The following HS6ST2 variants were observed in gnomAD, a reference collection of about 807,000 sequenced individuals.
The protein encoded by HS6ST2 is heparan sulfate 6-O-sulfotransferase 2.
A neutral mutation model predicts 33.0 loss-of-function variants in HS6ST2; 17 were observed. The observed-to-expected ratio is 0.52, with a 90% CI of 0.35 to 0.77. The LOEUF is 0.77. HS6ST2 is among the 30% of genes least tolerant of loss of function. The pLI is 0.01. For missense variants in HS6ST2, 519 were observed against 551.7 expected (o/e 0.94, Z 0.59); for synonymous variants, 248 against 237.1 (o/e 1.05, Z -0.42).
chrX:132,789,054 T>C (rs2065092690), intron 2 of HS6ST2, among the ~76,000 whole-genome samples: 1 of 112,649 alleles, frequency 8.9e-6, no homozygotes, highest in African/African-American at 3.2e-5. Context: ...GGTAAGATCA[T>C]TTATGAAGGT....
At chrX:132,930,823 C>G (rs2066761016) in intron 2 of HS6ST2, among the ~76,000 whole-genome samples, 1 of 111,679 alleles carries the variant, frequency 9.0e-6, no homozygotes, top group Non-Finnish European at 1.9e-5. Flanking sequence ...ATTAAACTCA[C>G]AGTGGAACCA....
At chrX:132,804,652 T>A (rs771213378) in intron 2 of HS6ST2, among the ~76,000 whole-genome samples, 22 of 111,166 alleles carry the variant, frequency 2.0e-4, no homozygotes, top group South Asian at 7.8e-4. Context: ...AAAAAATTTT[T>A]AAAAATTAGT....
chrX:132,688,905 G>C (rs2064039879), intron 3 of HS6ST2, among the ~76,000 whole-genome samples: 1 of 112,386 alleles, frequency 8.9e-6, no homozygotes, highest in South Asian at 3.7e-4. Flanking sequence ...TGAAGAGGCA[G>C]AAGGCAGAAA....
At chrX:132,885,421 G>A (rs1362835099) in intron 2 of HS6ST2, among the ~76,000 whole-genome samples, 2 of 111,226 alleles carry the variant, frequency 1.8e-5, no homozygotes, top group Non-Finnish European at 3.8e-5. Flanking sequence ...AAATGAAATC[G>A]GAAGTCATGG....
intron 2 of HS6ST2, among the ~76,000 whole-genome samples, chrX:132,892,054 C>G (rs2066320241): frequency 8.9e-6 from 1 of 111,840 alleles, no homozygotes. Flanking sequence ...CCTGTTGTTT[C>G]CTGACTTTTT....
At chrX:132,659,584 G>A (rs913937671) in intron 4 of HS6ST2, among the ~76,000 whole-genome samples, 3 of 101,654 alleles carry the variant, frequency 3.0e-5, no homozygotes, top group Non-Finnish European at 5.9e-5. Flanking sequence ...TCCCATCTGA[G>A]GCCTCCAGCA....
chrX:132,696,643 T>A (rs1047848346), intron 3 of HS6ST2, among the ~76,000 whole-genome samples: 5 of 112,198 alleles, frequency 4.5e-5, no homozygotes, highest in African/African-American at 1.6e-4. Context: ...TTGGCAGATG[T>A]TCTACTGTTT....
At chrX:132,886,187 T>C (rs2066249938) in intron 2 of HS6ST2, among the ~76,000 whole-genome samples, 1 of 111,113 alleles carries the variant, frequency 9.0e-6, no homozygotes, top group African/African-American at 3.3e-5. Flanking sequence ...GTTTAAAGAG[T>C]TGAAGTATGA....
At chrX:132,792,081 C>A (rs907298631) in intron 2 of HS6ST2, among the ~76,000 whole-genome samples, 1 of 112,149 alleles carries the variant, frequency 8.9e-6, no homozygotes, top group African/African-American at 3.2e-5. Context: ...GTAGAAGAAA[C>A]GTACCTAAGC....
At chrX:132,680,781 A>G (rs1044633632) in intron 3 of HS6ST2, among the ~76,000 whole-genome samples, 2 of 110,431 alleles carry the variant, frequency 1.8e-5, no homozygotes, top group African/African-American at 6.6e-5. Context: ...GGATCACCTG[A>G]GGTCAGGAGT....
intron 2 of HS6ST2, among the ~76,000 whole-genome samples, chrX:132,922,763 G>A (rs777576051): frequency 1.8e-5 from 2 of 111,174 alleles, no homozygotes; most frequent in African/African-American, 6.5e-5. Context: ...GAGAGCTTCC[G>A]GCTTTATAGG....
At chrX:132,819,518 G>A (rs1330666079) in intron 2 of HS6ST2, among the ~76,000 whole-genome samples, 5 of 111,867 alleles carry the variant, frequency 4.5e-5, no homozygotes, top group Non-Finnish European at 9.4e-5. Context: ...AACTGCATGT[G>A]ATGTGTACAA....
At chrX:132,790,908 G>A (rs189905041) in intron 2 of HS6ST2, among the ~76,000 whole-genome samples, 27 of 111,545 alleles carry the variant, frequency 2.4e-4, no homozygotes, top group Non-Finnish European at 4.1e-4. Flanking sequence ...TTGGGAAGCC[G>A]GGGTGGGAAA....
chrX:132,659,295 G>A (rs757331175), intron 4 of HS6ST2, among the ~76,000 whole-genome samples: 7 of 111,334 alleles, frequency 6.3e-5, no homozygotes, highest in South Asian at 3.7e-4. Flanking sequence ...TTCTTTTTTC[G>A]TTTAAACTTC....
At chrX:132,776,069 G>GA (rs57188995) in intron 2 of HS6ST2, among the ~76,000 whole-genome samples, 4 of 109,987 alleles carry the variant, frequency 3.6e-5, no homozygotes, top group Admixed American at 1.9e-4. Context: ...TTGACAAAAT[G>GA]AAAAAAAAGT....
At chrX:132,634,743 G>C (rs1230178044) in intron 4 of HS6ST2, among the ~76,000 whole-genome samples, 1 of 112,196 alleles carries the variant, frequency 8.9e-6, no homozygotes, top group Non-Finnish European at 1.9e-5. Flanking sequence ...AACATCTTGA[G>C]ATAGGGAGGA....
intron 2 of HS6ST2, among the ~76,000 whole-genome samples, chrX:132,773,596 T>C (rs2064928319): frequency 9.0e-6 from 1 of 111,496 alleles, no homozygotes; most frequent in Admixed American, 9.7e-5. Context: ...AATGGATAAA[T>C]AGATAAATAA....
At chrX:132,630,735 T>C (rs931990871) in intron 4 of HS6ST2, among the ~76,000 whole-genome samples, 27 of 111,132 alleles carry the variant, frequency 2.4e-4, no homozygotes, top group African/African-American at 8.5e-4. Context: ...TTGCTTGAGG[T>C]AAGGAGTTTG....
At chrX:132,857,477 C>A (rs1406959007) in intron 2 of HS6ST2, among the ~76,000 whole-genome samples, 7 of 102,718 alleles carry the variant, frequency 6.8e-5, no homozygotes, top group African/African-American at 1.8e-4. Context: ...GAGTGAGACT[C>A]TGTCTCAAAA....
Sources: allele counts gnomAD v4.1 joint callset (sites outside exome capture counted in the v4.1 genomes callset), GRCh38; gene constraint gnomAD v4.1.1; transcripts MANE v1.5; gene names NCBI Gene and HGNC (gene_info 2026-07-23, HGNC 2026-07-21).